The following PLCB1 variants were observed in gnomAD, a reference collection of about 807,000 sequenced individuals.
PLCB1 encodes the protein 1-phosphatidylinositol 4,5-bisphosphate phosphodiesterase beta-1.
PLCB1 carries 46 observed loss-of-function variants against 161.8 expected under a neutral mutation model. The ratio of observed to expected loss-of-function variants is 0.28; its 90% confidence interval spans 0.22 to 0.36. PLCB1 has a LOEUF of 0.36. PLCB1 is among the 10% of genes least tolerant of loss of function. PLCB1 has a pLI of 1.00. For missense variants in PLCB1, 1,016 were observed against 1,472.5 expected, an observed-to-expected ratio of 0.69 and a Z score of 5.07; for synonymous variants, 517 against 503.7, an observed-to-expected ratio of 1.03 and a Z score of -0.35.
intron 3 of PLCB1, among the ~76,000 whole-genome samples, chr20:8,577,474 A>G (rs1484844623): frequency 6.6e-5 from 10 of 151,708 alleles, no homozygotes; most frequent in Admixed American, 5.9e-4. Flanking sequence ...GAAAATAACA[A>G]TGTTGAATCA....
chr20:8,617,774 C>G (rs1988074953), intron 3 of PLCB1, among the ~76,000 whole-genome samples: 1 of 152,060 alleles, frequency 6.6e-6, no homozygotes, highest in East Asian at 1.9e-4. Context: ...TCGTCTAAAC[C>G]ACATTTCTTC....
At chr20:8,791,035 A>T (rs1983733021) in intron 31 of PLCB1, among the ~76,000 whole-genome samples, 3 of 152,164 alleles carry the variant, frequency 2.0e-5, no homozygotes, top group Admixed American at 2.0e-4. Flanking sequence ...CTCGAGTCCT[A>T]AAAGTTAAAA....
chr20:8,550,850 G>T (rs1218089714), intron 3 of PLCB1, among the ~76,000 whole-genome samples: 3 of 152,016 alleles, frequency 2.0e-5, no homozygotes, highest in Non-Finnish European at 4.4e-5. Flanking sequence ...CATCTCTCTT[G>T]CTCTTGTACC....
intron 10 of PLCB1, 111 bp downstream of exon 10, chr20:8,685,189 T>C (rs1160721570): frequency 1.4e-5 from 15 of 1,046,618 alleles, no homozygotes; most frequent in Non-Finnish European, 1.9e-5. Flanking sequence ...TCCTGCGAAG[T>C]GCCTCTGAGA....
At chr20:8,763,542 T>G (rs1355372846) in intron 25 of PLCB1, among the ~76,000 whole-genome samples, 1 of 152,182 alleles carries the variant, frequency 6.6e-6, no homozygotes, top group Admixed American at 6.5e-5. Context: ...TGTGCCACCA[T>G]GCCCAGCTAA....
At chr20:8,615,113 T>C (rs992214893) in intron 3 of PLCB1, among the ~76,000 whole-genome samples, 3 of 152,214 alleles carry the variant, frequency 2.0e-5, no homozygotes, top group African/African-American at 4.8e-5. Flanking sequence ...ATGTTTTTAA[T>C]GTTGTATTTA....
At chr20:8,152,080 G>A (rs1275763013) in intron 2 of PLCB1, among the ~76,000 whole-genome samples, 1 of 152,100 alleles carries the variant, frequency 6.6e-6, no homozygotes, top group Non-Finnish European at 1.5e-5. Flanking sequence ...TTATGACCAA[G>A]CGAAACAGAT....
At position 8,757,125 on chromosome 20, in the gene PLCB1, C is replaced by T. The variant is rs1456019944; in HGVS notation, c.2603C>T (p.Thr868Ile). Residue 868 changes from threonine to isoleucine, a missense_variant, in exon 24 of 32, where the codon ACA becomes ATA. Physicochemically the swap from Thr to Ile is moderately conservative, Grantham distance 89. Around this residue, in one of 10 missense-constraint regions of PLCB1, gnomAD observed 398 missense variants for 445.4 expected, o/e 0.89. Coordinates refer to ENST00000338037, the MANE Select transcript of PLCB1 (RefSeq NM_015192.4). ...TPAENGVNHT[T>I]TLTPKPPSQA... Reference sequence around the variant, plus strand: ...GCAGAAAATGGGGTGAATCACACTACAACCCTGACACCCAAGCCACCCTCC... The same window carrying T: ...GCAGAAAATGGGGTGAATCACACTATAACCCTGACACCCAAGCCACCCTCC... The T allele has an allele frequency of 1.2e-6, 2 of 1,613,556 alleles. No homozygotes were observed. Among genetic ancestry groups the T allele is most frequent in the Admixed American group, 1.7e-5 (1 of 60,004 alleles).
At chr20:8,581,958 T>C (rs913087838) in intron 3 of PLCB1, among the ~76,000 whole-genome samples, 9 of 152,166 alleles carry the variant, frequency 5.9e-5, no homozygotes, top group African/African-American at 1.9e-4. Flanking sequence ...TTTTACTCAT[T>C]TCTTCACAAC....
intron 2 of PLCB1, among the ~76,000 whole-genome samples, chr20:8,180,714 G>T (rs146197996): frequency 1.3e-5 from 2 of 152,100 alleles, no homozygotes; most frequent in African/African-American, 4.8e-5. Context: ...GAAAATTTGG[G>T]TTAACTCAGA....
At chr20:8,787,338 C>A (rs1440227514) in intron 27 of PLCB1, among the ~76,000 whole-genome samples, 4 of 152,228 alleles carry the variant, frequency 2.6e-5, no homozygotes, top group Admixed American at 2.6e-4. Context: ...GTGCATTCCT[C>A]CCAGTGAGCA....
chr20:8,187,511 A>G (rs1200644599), intron 2 of PLCB1, among the ~76,000 whole-genome samples: 1 of 152,122 alleles, frequency 6.6e-6, no homozygotes, highest in African/African-American at 2.4e-5. Context: ...ATACTTTAAG[A>G]TGGAGTTTGC....
At chr20:8,464,928 T>C (rs1981751746) in intron 3 of PLCB1, among the ~76,000 whole-genome samples, 1 of 152,180 alleles carries the variant, frequency 6.6e-6, no homozygotes, top group South Asian at 2.1e-4. Flanking sequence ...TTTTTAATTT[T>C]AATTACCATA....
intron 3 of PLCB1, among the ~76,000 whole-genome samples, chr20:8,447,175 T>C (rs1980872274): frequency 6.6e-6 from 1 of 152,144 alleles, no homozygotes; most frequent in Admixed American, 6.6e-5. Context: ...CCACATATGG[T>C]GACATGCTGC....
chr20:8,620,747 C>CAAAAAAAA (rs779029928), intron 3 of PLCB1, among the ~76,000 whole-genome samples: 29 of 75,234 alleles, frequency 3.9e-4, no homozygotes, highest in African/African-American at 1.6e-3. Flanking sequence ...CTGCCCCCAC[C>CAAAAAAAA]AAAAAAAAAA....
intron 14 of PLCB1, among the ~76,000 whole-genome samples, chr20:8,721,077 G>T (rs1395938576): frequency 1.3e-5 from 2 of 152,122 alleles, no homozygotes; most frequent in African/African-American, 4.8e-5. Context: ...ACCCTTGCTG[G>T]TCCCAGAAAT....
intron 2 of PLCB1, among the ~76,000 whole-genome samples, chr20:8,284,802 C>T (rs1197429231): frequency 6.6e-6 from 1 of 152,012 alleles, no homozygotes; most frequent in African/African-American, 2.4e-5. Context: ...TCTCTTGGGT[C>T]TGCTTGGCCT....
chr20:8,669,981 G>T (rs949784974), intron 9 of PLCB1, among the ~76,000 whole-genome samples: 1 of 152,112 alleles, frequency 6.6e-6, no homozygotes, highest in South Asian at 2.1e-4. Flanking sequence ...CTTGCATTAC[G>T]GTCAGGAACC....
At chr20:8,175,060 C>T (rs960134872) in intron 2 of PLCB1, among the ~76,000 whole-genome samples, 1 of 151,906 alleles carries the variant, frequency 6.6e-6, no homozygotes, top group African/African-American at 2.4e-5. Context: ...CAGAGCAAGA[C>T]CCCATCTCTA....
Sources: allele counts gnomAD v4.1 joint callset (sites outside exome capture counted in the v4.1 genomes callset), GRCh38; gene constraint gnomAD v4.1.1; regional missense constraint gnomAD v4.1.1; transcripts MANE v1.5; gene names NCBI Gene and HGNC (gene_info 2026-07-23, HGNC 2026-07-21).